ADAMTS16: variants seen among roughly 807,000 people sequenced by gnomAD.
The protein encoded by ADAMTS16 is ADAM metallopeptidase with thrombospondin type 1 motif 16, also known as A disintegrin and metalloproteinase with thrombospondin motifs 16.
In ADAMTS16, 94 loss-of-function variants were observed where a neutral mutation model predicts 145.8. The observed-to-expected ratio is 0.64, with a 90% CI of 0.55 to 0.77. The LOEUF is 0.77. Ranked by LOEUF, ADAMTS16 falls within the 30% of genes least tolerant of loss-of-function variation. ADAMTS16 has a pLI of 0.00. For missense variants in ADAMTS16, 1,585 were observed against 1,591.5 expected (o/e 1.00, Z 0.07); for synonymous variants, 659 against 604.3 (o/e 1.09, Z -1.33).
chr5:5,169,680 T>C (rs117023926), intron 3 of ADAMTS16, among the ~76,000 whole-genome samples: 1 of 152,216 alleles, frequency 6.6e-6, no homozygotes, highest in Non-Finnish European at 1.5e-5. Flanking sequence ...CCTTGCTGCA[T>C]GTTCATAGAC....
intron 17 of ADAMTS16, 63 bp from the exon 18 acceptor site, chr5:5,262,594 A>G: frequency 6.4e-7 from 1 of 1,556,038 alleles, no homozygotes; most frequent in South Asian, 1.2e-5. Flanking sequence ...TTAGCTCATC[A>G]TCTGCCTTTT....
chr5:5,268,905 G>C (rs923173243), intron 18 of ADAMTS16, among the ~76,000 whole-genome samples: 7 of 152,098 alleles, frequency 4.6e-5, no homozygotes, highest in Non-Finnish European at 8.8e-5. Flanking sequence ...TGGTGACCTG[G>C]AGAAGGACTG....
chr5:5,180,323 T>A (rs919246), intron 3 of ADAMTS16, among the ~76,000 whole-genome samples: 1 of 152,206 alleles, frequency 6.6e-6, no homozygotes, highest in Non-Finnish European at 1.5e-5. Flanking sequence ...GATACCCTGA[T>A]GTTCTGCAGG....
At chr5:5,221,073 T>C (rs1736592682) in intron 10 of ADAMTS16, among the ~76,000 whole-genome samples, 1 of 152,038 alleles carries the variant, frequency 6.6e-6, no homozygotes, top group Non-Finnish European at 1.5e-5. Context: ...TTCTGACCTA[T>C]CATATTGCCA....
chr5:5,179,388 G>A lies in ADAMTS16; in HGVS notation c.502-2656G>A, dbSNP rs1192804800. ...AAGTGTTTGCATATCAAAAAGTGTT[G>A]TTATTGGTTTAAGCCATGCATGAAT... On this transcript the variant is annotated intron_variant, in intron 3 of 22. Transcript: ENST00000274181. Among the ~76,000 whole-genome samples, 4 of 152,012 alleles carry A rather than the reference G, an allele frequency of 2.6e-5. No individual in the cohort carries two copies. In the East Asian group the frequency reaches 7.7e-4, roughly 29 times the overall value.
chr5:5,148,049 G>A (rs1310361656), intron 3 of ADAMTS16, among the ~76,000 whole-genome samples: 2 of 152,130 alleles, frequency 1.3e-5, no homozygotes, highest in African/African-American at 4.8e-5. Context: ...TAACAGTAAA[G>A]TAAGTGTATA....
intron 9 of ADAMTS16, among the ~76,000 whole-genome samples, chr5:5,204,335 C>T (rs771666960): frequency 7.9e-5 from 12 of 152,004 alleles, no homozygotes; most frequent in Non-Finnish European, 1.2e-4. Flanking sequence ...TGTTTTGGTA[C>T]GAAATATATA....
intron 18 of ADAMTS16, among the ~76,000 whole-genome samples, chr5:5,278,373 A>G (rs1386717014): frequency 6.6e-6 from 1 of 152,098 alleles, no homozygotes; most frequent in Non-Finnish European, 1.5e-5. Flanking sequence ...GGCACCTTTT[A>G]TCAGTTTTAT....
At chr5:5,188,047 A>G in intron 6 of ADAMTS16, among the ~76,000 whole-genome samples, 1 of 152,178 alleles carries the variant, frequency 6.6e-6, no homozygotes, top group East Asian at 1.9e-4. Context: ...GGCCTGTAAG[A>G]AAATGGCATG....
chr5:5,223,599 A>G (rs1334167683), intron 11 of ADAMTS16: 1 of 152,162 alleles, frequency 6.6e-6, no homozygotes, highest in Admixed American at 6.5e-5. Context: ...TAATCTACCC[A>G]TGTAACAAAT....
rs752870234 is a variant in ADAMTS16, at chr5:5,186,183, G to A, written c.895G>A (p.Asp299Asn). The change falls in exon 5 of 23, where the codon GAC (aspartate) becomes AAC (asparagine). Residue 299 changes from aspartate to asparagine, a missense_variant. By Grantham distance (23) the Asp-to-Asn change is conservative. This residue lies in a region of ADAMTS16 where 453 missense variants were observed against 412.1 expected (regional missense o/e 1.10). Coordinates refer to ENST00000274181, the MANE Select transcript of ADAMTS16 (RefSeq NM_139056.4). The part of the protein sequence containing the change: ...ELNVETLVVV[D>N]KKMMQNHGHE... ...GAACGTGGAGACCTTGGTGGTGGTC[G>A]ACAAAAAGATGATGCAAAACCATGG... is the stretch of plus-strand genomic sequence containing the variant. The A allele has an allele frequency of 2.5e-6, 4 of 1,613,456 alleles. No homozygotes were observed. Among genetic ancestry groups the A allele is most frequent in the African/African-American group, 1.3e-5 (1 of 74,696 alleles).
intron 3 of ADAMTS16, among the ~76,000 whole-genome samples, chr5:5,173,872 T>C (rs1428187945): frequency 2.0e-5 from 3 of 152,208 alleles, no homozygotes; most frequent in Non-Finnish European, 4.4e-5. Flanking sequence ...CATTTTAACT[T>C]TTTGTTGTTT....
chr5:5,227,596 G>C (rs1157977921), intron 11 of ADAMTS16, among the ~76,000 whole-genome samples: 1 of 151,834 alleles, frequency 6.6e-6, no homozygotes, highest in Non-Finnish European at 1.5e-5. Context: ...AGAAGATACA[G>C]TGCTTTCTCA....
At chr5:5,273,439 C>A (rs1036057972) in intron 18 of ADAMTS16, among the ~76,000 whole-genome samples, 1 of 152,246 alleles carries the variant, frequency 6.6e-6, no homozygotes, top group African/African-American at 2.4e-5. Context: ...GGGAGGATCA[C>A]TTGAGCCCAG....
intron 18 of ADAMTS16, among the ~76,000 whole-genome samples, chr5:5,284,372 C>T (rs1489614704): frequency 6.6e-6 from 1 of 152,126 alleles, no homozygotes; most frequent in Non-Finnish European, 1.5e-5. Flanking sequence ...TATTGTGTAC[C>T]TCTAACCTTT....
chr5:5,318,356 G>C (rs1734143459), intron 22 of ADAMTS16, 75 bp downstream of exon 22: 3 of 1,314,924 alleles, frequency 2.3e-6, no homozygotes, highest in Admixed American at 3.1e-5. Context: ...GTTCCTTGGG[G>C]GGCCTGGAGT....
At chr5:5,169,408 G>A (rs755585386) in intron 3 of ADAMTS16, among the ~76,000 whole-genome samples, 1 of 152,178 alleles carries the variant, frequency 6.6e-6, no homozygotes, top group Non-Finnish European at 1.5e-5. Flanking sequence ...TCATTGCCCA[G>A]CACACTCAGT....
At chr5:5,300,610 G>A (rs1016070229) in intron 18 of ADAMTS16, among the ~76,000 whole-genome samples, 1 of 152,292 alleles carries the variant, frequency 6.6e-6, no homozygotes, top group African/African-American at 2.4e-5. Context: ...CAAGTAAAAC[G>A]ATCATGGTGC....
At chr5:5,249,217 T>C (rs934952045) in intron 17 of ADAMTS16, among the ~76,000 whole-genome samples, 1 of 152,168 alleles carries the variant, frequency 6.6e-6, no homozygotes, top group Non-Finnish European at 1.5e-5. Flanking sequence ...TGTATTGTCA[T>C]AAAAAGTCTC....
Sources: allele counts gnomAD v4.1 joint callset (sites outside exome capture counted in the v4.1 genomes callset), GRCh38; gene constraint gnomAD v4.1.1; regional missense constraint gnomAD v4.1.1; transcripts MANE v1.5; gene names NCBI Gene and HGNC (gene_info 2026-07-23, HGNC 2026-07-21).